PYGB: variants seen among roughly 807,000 people sequenced by gnomAD.
The protein encoded by PYGB is glycogen phosphorylase, brain form.
In PYGB, 82 loss-of-function variants were observed where a neutral mutation model predicts 94.3. The ratio of observed to expected loss-of-function variants is 0.87; its 90% CI spans 0.73 to 1.04. The LOEUF (loss-of-function observed/expected upper bound fraction) is 1.04. Ranked by LOEUF, PYGB falls within the 50% of genes least tolerant of loss-of-function variation. The pLI, the probability that PYGB is intolerant of heterozygous loss-of-function variation, is 0.00. For missense variants in PYGB, 1,132 were observed against 1,158.2 expected (o/e 0.98, Z 0.33); for synonymous variants, 488 against 479.1 (o/e 1.02, Z -0.24).
intron 16 of PYGB, 105 bp downstream of exon 16, chr20:25,290,727 A>G (rs1234746214): frequency 4.0e-6 from 6 of 1,483,686 alleles, no homozygotes; most frequent in African/African-American, 1.4e-5. Context: ...CTCTGCCTGG[A>G]CACCCAGACC....
At chr20:25,266,828 G>A (rs1220460347) in intron 2 of PYGB, among the ~76,000 whole-genome samples, 1 of 152,242 alleles carries the variant, frequency 6.6e-6, no homozygotes, top group African/African-American at 2.4e-5. Flanking sequence ...ATTCCCACAA[G>A]AATGGCTATA....
In PYGB at chr20:25,278,309, C is replaced by T. The variant is rs1355571773; in HGVS notation, c.856-10C>T. 2 of 1,613,440 alleles carry T rather than the reference C, an allele frequency of 1.2e-6. No homozygotes were observed. Among genetic ancestry groups the T allele is most frequent in the African/African-American group, 2.7e-5 (2 of 74,946 alleles). On this transcript the variant is annotated splice_polypyrimidine_tract_variant and intron_variant, in intron 7 of 19. Transcript: ENST00000216962. ...AGCCTGCACCCTCCAGCTTGCTCTG[C>T]TGTGTGCAGTTCTTTGAGGGGAAGG...
intron 2 of PYGB, among the ~76,000 whole-genome samples, chr20:25,264,599 G>A (rs1358795524): frequency 6.6e-6 from 1 of 152,124 alleles, no homozygotes; most frequent in Non-Finnish European, 1.5e-5. Flanking sequence ...AAATCAATGT[G>A]CAAAAATCAC....
chr20:25,248,487 A>C, intron 1 of PYGB, 66 bp downstream of exon 1: 1 of 1,291,628 alleles, frequency 7.7e-7, no homozygotes, highest in Non-Finnish European at 9.8e-7. Flanking sequence ...GAGCCGCGCC[A>C]GCGGGGGTCT....
chr20:25,248,379 C>T lies in PYGB; in HGVS notation c.201C>T (p.Arg67=). 2 of 1,592,542 alleles carry T rather than the reference C, an allele frequency of 1.3e-6. No individual in the cohort carries two copies. The highest frequency in any genetic ancestry group is 1.7e-6 in the Non-Finnish European group (2 of 1,170,936). Residue 67 remains arginine (R), a synonymous_variant, in exon 1 of 20, where the codon CGC becomes CGT. Transcript: ENST00000216962. ...AHTVRDHLVG[R]WIRTQQHYYE... The stretch of plus-strand genomic sequence containing the variant: ...CGGTGCGCGACCACCTCGTGGGCCG[C>T]TGGATCCGCACGCAGCAGCACTACT...
chr20:25,288,354 G>A lies in PYGB; in HGVS notation c.1769-71G>A, dbSNP rs1380251557. ...TCCTGCCTCAGGGTCGGCCTCTGAT[G>A]CTGCTGGGCCCCAGCAGGGGCTCGT... On this transcript the variant is annotated intron_variant, in intron 14 of 19. Coordinates refer to ENST00000216962, the MANE Select transcript of PYGB (RefSeq NM_002862.4). The A allele has an allele frequency of 2.6e-6, 4 of 1,533,558 alleles. No individual in the cohort carries two copies. The Admixed American group carries it at 6.7e-5, about 26-fold the overall frequency. 95.0% of individuals were successfully genotyped at this position (1,533,558 alleles called of 1,614,324 possible).
intron 19 of PYGB, 105 bp downstream of exon 19, chr20:25,295,775 G>A: frequency 1.5e-6 from 2 of 1,304,116 alleles, no homozygotes; most frequent in South Asian, 1.2e-5. Context: ...CTTGGCCTGG[G>A]CCAGAGGGGT....
At chr20:25,254,192 T>C (rs188562018) in intron 1 of PYGB, among the ~76,000 whole-genome samples, 133 of 152,296 alleles carry the variant, frequency 8.7e-4, no homozygotes, top group African/African-American at 3.1e-3. Context: ...AGTTAAACTC[T>C]GGACATTTTA....
chr20:25,288,386 C>T lies in PYGB; in HGVS notation c.1769-39C>T, dbSNP rs376343777. 2.2e-5 allele frequency: 36 copies of T among 1,612,658 alleles called. No homozygotes were observed. In the East Asian group the frequency reaches 4.0e-4, roughly 18 times the overall value. ...GGCCCCAGCAGGGGCTCGTCCGGCTCGCGGTGCCTTGTGTGAGTCTCTTCC... is the reference window on the plus strand; with the variant it reads ...GGCCCCAGCAGGGGCTCGTCCGGCTTGCGGTGCCTTGTGTGAGTCTCTTCC... On this transcript the variant is annotated intron_variant, in intron 14 of 19. Transcript: ENST00000216962.
chr20:25,274,772 G>A, intron 5 of PYGB, 49 bp downstream of exon 5: 3 of 1,589,446 alleles, frequency 1.9e-6, no homozygotes, highest in Non-Finnish European at 2.6e-6. Context: ...AGGTGAGGGG[G>A]CTGCTGCGGC....
chr20:25,260,435 A>T (rs189719236), intron 2 of PYGB, among the ~76,000 whole-genome samples: 1 of 152,232 alleles, frequency 6.6e-6, no homozygotes, highest in Non-Finnish European at 1.5e-5. Context: ...CAGAAAATGA[A>T]TGTTAATTAT....
Position 25,282,097 on chromosome 20 carries a change from C to T in PYGB, c.1468C>T (p.Arg490Cys), listed in dbSNP as rs139768078. 36 of 1,613,776 alleles carry T rather than the reference C, an allele frequency of 2.2e-5. No homozygotes were observed. The highest frequency in any genetic ancestry group is 5.3e-5 in the African/African-American group (4 of 75,030). Reference protein sequence around the residue: ...FQNKTNGITPRRWLLLCNPGL... With the variant: ...FQNKTNGITPCRWLLLCNPGL... ...GAATAAGACCAATGGCATCACCCCC[C>T]GCCGGTGGCTGCTGCTGTGCAACCC... is the stretch of plus-strand genomic sequence containing the variant. The change falls in exon 12 of 20, where the codon CGC becomes TGC. Residue 490 changes from arginine to cysteine, a missense_variant. Physicochemically the swap from Arg to Cys is radical, Grantham distance 180 (BLOSUM62 -3). Transcript: ENST00000216962.
chr20:25,249,437 G>T (rs769760586), intron 1 of PYGB, among the ~76,000 whole-genome samples: 2 of 152,164 alleles, frequency 1.3e-5, no homozygotes, highest in Non-Finnish European at 2.9e-5. Flanking sequence ...CTACACTAAC[G>T]TAGAGGGAGA....
At chr20:25,290,937 G>A (rs1037198192) in intron 16 of PYGB, among the ~76,000 whole-genome samples, 11 of 151,486 alleles carry the variant, frequency 7.3e-5, no homozygotes, top group African/African-American at 2.4e-4. Context: ...CCCCTCAGCC[G>A]TGCCTTCTGC....
intron 14 of PYGB, among the ~76,000 whole-genome samples, chr20:25,285,842 G>A (rs1005533795): frequency 1.1e-4 from 16 of 152,070 alleles, no homozygotes; most frequent in Admixed American, 6.5e-5. Flanking sequence ...GCTTCTCACG[G>A]TCCTTCTGCA....
chr20:25,294,414 C>T (rs564982988), intron 18 of PYGB, 122 bp downstream of exon 18: 1 of 1,268,568 alleles, frequency 7.9e-7, no homozygotes, highest in East Asian at 2.5e-5. Context: ...ACGTCTTCTC[C>T]ACTGTGCCCA....
chr20:25,258,183 G>A (rs2092906306), intron 1 of PYGB, among the ~76,000 whole-genome samples: 2 of 152,218 alleles, frequency 1.3e-5, no homozygotes, highest in African/African-American at 2.4e-5. Flanking sequence ...TATTTATAGA[G>A]TATTCTTAAG....
At chr20:25,258,198 G>T (rs1234225310) in intron 1 of PYGB, among the ~76,000 whole-genome samples, 1 of 152,206 alleles carries the variant, frequency 6.6e-6, no homozygotes, top group African/African-American at 2.4e-5. Flanking sequence ...CTTAAGTTAT[G>T]TATTAAAAAC....
At position 25,281,672 on chromosome 20, in the gene PYGB, A is replaced by G. The variant is rs370920627; in HGVS notation, c.1404-361A>G. On this transcript the variant is annotated intron_variant, in intron 11 of 19. Transcript: ENST00000216962. ...CAAGCTTCGTGTCGGGCCCCTCCCC[A>G]GTAGCTATGAGGAAACCGAGCGCAG... 4.6e-5 allele frequency among the ~76,000 whole-genome samples: 7 copies of G among 152,154 alleles called. No individual in the cohort carries two copies. In the East Asian group the frequency reaches 9.7e-4, roughly 21 times the overall value.
Sources: gnomAD v4.1 joint callset for allele counts (sites outside exome capture counted in the v4.1 genomes callset) on GRCh38, gnomAD v4.1.1 for gene constraint, MANE v1.5 for transcripts, NCBI Gene and HGNC (gene_info 2026-07-23, HGNC 2026-07-21) for gene names.